Variants in SPIN1 observed in about 807,000 individuals in gnomAD.
SPIN1 encodes spindlin 1.
In SPIN1, 3 loss-of-function variants were observed where a neutral mutation model predicts 26.0. The ratio of observed to expected loss-of-function variants is 0.12; its 90% confidence interval spans 0.05 to 0.30. The LOEUF is 0.30. Among genes scored for constraint, SPIN1 ranks in the 10% least tolerant of loss-of-function variants. The pLI is 1.00. For synonymous variants in SPIN1, 101 were observed against 116.5 expected (o/e 0.87, Z 0.86); for missense variants, 126 against 333.4 (o/e 0.38, Z 4.84).
intron 1 of SPIN1, among the ~76,000 whole-genome samples, chr9:88,392,067 A>G (rs530210838): frequency 6.6e-6 from 1 of 152,348 alleles, no homozygotes; most frequent in South Asian, 2.1e-4. Flanking sequence ...GTCTGTTCTG[A>G]GAATTACATG....
chr9:88,399,934 T>C (rs1013881523), intron 1 of SPIN1, among the ~76,000 whole-genome samples: 1 of 152,170 alleles, frequency 6.6e-6, no homozygotes, highest in Non-Finnish European at 1.5e-5. Flanking sequence ...AGATCATTGA[T>C]TGGTAGGAAT....
At chr9:88,449,952 C>T (rs1828325233) in intron 3 of SPIN1, among the ~76,000 whole-genome samples, 1 of 152,128 alleles carries the variant, frequency 6.6e-6, no homozygotes, top group Non-Finnish European at 1.5e-5. Flanking sequence ...GAATGCCCTT[C>T]AGTAATTGTT....
Position 88,426,549 on chromosome 9 carries a change from C to T in SPIN1, c.10C>T (p.Pro4Ser), listed in dbSNP as rs1827767769. MKT[P>S]FGKTPGQRSR... Reference sequence around the variant, plus strand: ...ACTTAAATACAGATGAATGAAGACCCCATTCGGAAAGACACCTGGCCAGCG... The same window carrying T: ...ACTTAAATACAGATGAATGAAGACCTCATTCGGAAAGACACCTGGCCAGCG... Residue 4 changes from proline (P) to serine (S), a missense_variant, in exon 2 of 6, where the codon CCA becomes TCA. Around this residue, in one of 7 missense-constraint regions of SPIN1, gnomAD observed 63 missense variants for 101.3 expected, o/e 0.62. Transcript: ENST00000375859. 1.2e-6 allele frequency: 2 copies of T among 1,613,584 alleles called. No individual in the cohort carries two copies. The highest frequency in any genetic ancestry group is 1.7e-6 in the Non-Finnish European group (2 of 1,179,694).
intron 2 of SPIN1, among the ~76,000 whole-genome samples, chr9:88,440,165 T>A (rs998686018): frequency 1.1e-4 from 17 of 151,088 alleles, no homozygotes; most frequent in Non-Finnish European, 1.9e-4. Flanking sequence ...ATTTTTTTTT[T>A]AATTTTTAAA....
chr9:88,431,233 C>T (rs575117221), intron 2 of SPIN1, among the ~76,000 whole-genome samples: 14 of 150,678 alleles, frequency 9.3e-5, no homozygotes, highest in East Asian at 2.0e-4. Context: ...GAATGTTAGT[C>T]ATAGATGCTC....
intron 1 of SPIN1, among the ~76,000 whole-genome samples, chr9:88,400,191 C>G (rs1162763236): frequency 6.6e-6 from 1 of 152,104 alleles, no homozygotes; most frequent in Non-Finnish European, 1.5e-5. Flanking sequence ...TGTGGCTGGA[C>G]TGTAGTTGCA....
intron 3 of SPIN1, 56 bp from the exon 4 acceptor site, chr9:88,462,440 T>A: frequency 6.3e-7 from 1 of 1,579,660 alleles, no homozygotes; most frequent in African/African-American, 1.3e-5. Flanking sequence ...TTATGTTAGA[T>A]CTAGGCATGC....
chr9:88,439,696 TTTC>T (rs1468628530), intron 2 of SPIN1, among the ~76,000 whole-genome samples: 1 of 152,196 alleles, frequency 6.6e-6, no homozygotes, highest in Non-Finnish European at 1.5e-5. Flanking sequence ...ATTGTTTTGT[TTTC>T]TTGGAGAGTT....
At chr9:88,443,351 C>T (rs1055299778) in intron 2 of SPIN1, among the ~76,000 whole-genome samples, 2 of 152,092 alleles carry the variant, frequency 1.3e-5, no homozygotes, top group Admixed American at 1.3e-4. Flanking sequence ...TACTAATAAG[C>T]CTGTCTCTGA....
chr9:88,462,670 T>C lies in SPIN1; in HGVS notation c.276T>C (p.Asp92=). ...CTTCTTTGTATCTTATAAAATACGA[T>C]GGATTTGACTGTGTTTATGGACTAG... ...VNPSLYLIKY[D]GFDCVYGLEL... The change falls in exon 4 of 6, where the codon GAT becomes GAC. Residue 92 remains aspartate, a synonymous_variant. Coordinates refer to ENST00000375859, the MANE Select transcript of SPIN1 (RefSeq NM_006717.3). The C allele has an allele frequency of 2.5e-6, 4 of 1,614,120 alleles. No homozygotes were observed. Among genetic ancestry groups the C allele is most frequent in the Non-Finnish European group, 3.4e-6 (4 of 1,180,006 alleles).
At chr9:88,408,250 TC>T (rs1273877769) in intron 1 of SPIN1, among the ~76,000 whole-genome samples, 1 of 148,996 alleles carries the variant, frequency 6.7e-6, no homozygotes, top group Non-Finnish European at 1.5e-5. Flanking sequence ...ATTTCTGCTA[TC>T]CCCCCTTTAC....
chr9:88,417,070 C>T (rs1175623352), intron 1 of SPIN1, among the ~76,000 whole-genome samples: 4 of 152,228 alleles, frequency 2.6e-5, no homozygotes, highest in African/African-American at 9.6e-5. Flanking sequence ...AAATTGCAGA[C>T]ATCATGACAC....
At chr9:88,389,217 G>C (rs1220759474) in intron 1 of SPIN1, among the ~76,000 whole-genome samples, 1 of 152,196 alleles carries the variant, frequency 6.6e-6, no homozygotes, top group Non-Finnish European at 1.5e-5. Flanking sequence ...GCCGCCCTCC[G>C]TGGGGGCGCG....
rs148350918 is a variant in SPIN1 at position 88,413,065 on chromosome 9, G to GTT, written c.-158-13299_-158-13298dup. Among the ~76,000 whole-genome samples the GTT allele has an allele frequency of 7.6e-4, 97 of 128,002 alleles. 1 individual carries two copies. The highest frequency in any genetic ancestry group is 4.3e-3 in the Middle Eastern group (1 of 232). 84.0% of individuals were successfully genotyped at this position (128,002 alleles called of 152,430 possible). On this transcript the variant is annotated intron_variant, in intron 1 of 5. Transcript: ENST00000375859. ...TTGTTTTTTAAGATATTAAAATTAA[G>GTT]TTTTTTTTTTTTTTTTTTTGAGATG...
At chr9:88,401,219 TTTAAGGTTTTTCATTATA>T (rs1827178345) in intron 1 of SPIN1, among the ~76,000 whole-genome samples, 1 of 152,336 alleles carries the variant, frequency 6.6e-6, no homozygotes, top group African/African-American at 2.4e-5. Flanking sequence ...ATACGTTATG[TTTAAGGTTTTTCATTATA>T]TCAGTGTTTG....
chr9:88,454,549 T>G (rs1198339787), intron 3 of SPIN1, among the ~76,000 whole-genome samples: 2 of 152,204 alleles, frequency 1.3e-5, no homozygotes, highest in African/African-American at 4.8e-5. Context: ...TTAAAATTTC[T>G]TTTAGGAACT....
chr9:88,417,096 T>G (rs1462335999), intron 1 of SPIN1, among the ~76,000 whole-genome samples: 3 of 152,244 alleles, frequency 2.0e-5, no homozygotes, highest in African/African-American at 7.2e-5. Context: ...AAAGTAAGGT[T>G]GTTATTCTTT....
chr9:88,407,333 CAG>C (rs1325976422), intron 1 of SPIN1, among the ~76,000 whole-genome samples: 2 of 151,754 alleles, frequency 1.3e-5, no homozygotes, highest in East Asian at 3.9e-4. Context: ...TCAGTAGAGA[CAG>C]GGTTTTGCCA....
rs115272356 is a variant in SPIN1 at position 88,427,576 on chromosome 9, A to G, written c.52+985A>G. On this transcript the variant is annotated intron_variant, in intron 2 of 5. Coordinates refer to ENST00000375859, the MANE Select transcript of SPIN1 (RefSeq NM_006717.3). Reference sequence around the variant, plus strand: ...GAGCCTTAGTTTTTCTCATCTAAAAAAACGGGACTTTTTTTTTCTTTTTCT... The same window carrying G: ...GAGCCTTAGTTTTTCTCATCTAAAAGAACGGGACTTTTTTTTTCTTTTTCT... Among the ~76,000 whole-genome samples, 1,120 of 152,188 alleles carry G rather than the reference A, an allele frequency of 7.4e-3. 12 individuals are homozygous for G. Among genetic ancestry groups the G allele is most frequent in the African/African-American group, 0.025 (1,049 of 41,562 alleles).
Sources: allele counts gnomAD v4.1 joint callset (sites outside exome capture counted in the v4.1 genomes callset), GRCh38; gene constraint gnomAD v4.1.1; regional missense constraint gnomAD v4.1.1; transcripts MANE v1.5; gene names NCBI Gene and HGNC (gene_info 2026-07-23, HGNC 2026-07-21).